The following RSRC1 variants were observed in gnomAD, a reference collection of about 807,000 sequenced individuals.
The protein encoded by RSRC1 is serine/Arginine-related protein 53.
RSRC1 carries 39 observed loss-of-function variants against 49.1 expected under a neutral mutation model. The observed-to-expected ratio is 0.79, with a 90% CI of 0.61 to 1.04. The LOEUF (loss-of-function observed/expected upper bound fraction) is 1.04, where lower values mean the gene tolerates loss of function less well. Ranked by LOEUF, RSRC1 falls within the 50% of genes least tolerant of loss-of-function variation. The pLI is 0.00. For synonymous variants in RSRC1, 143 were observed against 130.8 expected, an observed-to-expected ratio of 1.09 and a Z score of -0.63; for missense variants, 388 against 402.4, an observed-to-expected ratio of 0.96 and a Z score of 0.31.
intron 3 of RSRC1, among the ~76,000 whole-genome samples, chr3:158,126,135 G>C (rs536782947): frequency 6.6e-6 from 1 of 151,944 alleles, no homozygotes. Context: ...ATTGTATTTT[G>C]TGTGTATGAG....
At chr3:158,375,625 A>G (rs1732318528) in intron 6 of RSRC1, among the ~76,000 whole-genome samples, 1 of 152,210 alleles carries the variant, frequency 6.6e-6, no homozygotes, top group Admixed American at 6.5e-5. Flanking sequence ...AATTATAAAT[A>G]AATTGTATGT....
At chr3:158,451,325 T>A (rs887510190) in intron 6 of RSRC1, among the ~76,000 whole-genome samples, 2 of 152,052 alleles carry the variant, frequency 1.3e-5, no homozygotes, top group Non-Finnish European at 2.9e-5. Flanking sequence ...CAGCATTTAC[T>A]GCTTTGTACT....
intron 7 of RSRC1, among the ~76,000 whole-genome samples, chr3:158,506,909 A>G (rs1192449775): frequency 6.6e-6 from 1 of 151,342 alleles, no homozygotes; most frequent in African/African-American, 2.4e-5. Flanking sequence ...CAAATAAAGG[A>G]AACAGTTTAT....
chr3:158,158,659 G>T (rs980380126), intron 3 of RSRC1, among the ~76,000 whole-genome samples: 1 of 152,132 alleles, frequency 6.6e-6, no homozygotes, highest in South Asian at 2.1e-4. Flanking sequence ...AGGAGTGTTG[G>T]CTGGGCATAG....
chr3:158,213,748 A>G (rs1441587366), intron 4 of RSRC1, among the ~76,000 whole-genome samples: 1 of 151,940 alleles, frequency 6.6e-6, no homozygotes, highest in Non-Finnish European at 1.5e-5. Flanking sequence ...TGAGAAAGAT[A>G]AAGGAGGGCA....
At position 158,529,535 on chromosome 3, in the gene RSRC1, T is replaced by C. The variant is rs1576610290; in HGVS notation, c.653-7557T>C. Among the ~76,000 whole-genome samples, 4 of 151,992 alleles carry C rather than the reference T, an allele frequency of 2.6e-5. No homozygotes were observed. The East Asian group carries it at 7.8e-4, about 30-fold the overall frequency. ...GTATTATTCCTCATGGTCATGATAT[T>C]TAAATGAGGTAATCCATGTGAAGTG... On this transcript the variant is annotated intron_variant, in intron 7 of 9. Coordinates refer to ENST00000611884, the MANE Select transcript of RSRC1 (RefSeq NM_001271838.2).
intron 5 of RSRC1, among the ~76,000 whole-genome samples, chr3:158,301,847 A>G (rs767270799): frequency 3.9e-4 from 59 of 152,226 alleles, no homozygotes; most frequent in Non-Finnish European, 6.9e-4. Flanking sequence ...CCAGAGGTCA[A>G]AATTATACAC....
intron 3 of RSRC1, among the ~76,000 whole-genome samples, chr3:158,155,382 C>G (rs6793338): frequency 0.036 from 5,519 of 152,182 alleles, 326 homozygotes; most frequent in African/African-American, 0.13. Flanking sequence ...TCTCCTTGTA[C>G]ATCTCCATCA....
chr3:158,328,155 C>T (rs1400336425), intron 5 of RSRC1, among the ~76,000 whole-genome samples: 1 of 152,134 alleles, frequency 6.6e-6, no homozygotes, highest in Non-Finnish European at 1.5e-5. Flanking sequence ...TTCCTGAATA[C>T]AGCACACTGA....
At position 158,326,990 on chromosome 3, in the gene RSRC1, G is replaced by A. The variant is rs143050789; in HGVS notation, c.532-27867G>A. Among the ~76,000 whole-genome samples, 225 of 152,104 alleles carry A rather than the reference G, an allele frequency of 1.5e-3. 1 individual carries two copies. Among genetic ancestry groups the A allele is most frequent in the African/African-American group, 5.3e-3 (218 of 41,514 alleles). Reference sequence around the variant, plus strand: ...TATGTGTCCAGAAATTTATCCATTTGTTCTAGATTTTCTAGTTTATTTGCA... The same window carrying A: ...TATGTGTCCAGAAATTTATCCATTTATTCTAGATTTTCTAGTTTATTTGCA... On this transcript the variant is annotated intron_variant, in intron 5 of 9. Transcript: ENST00000611884.
chr3:158,542,830 A>G (rs1713115776), intron 8 of RSRC1, among the ~76,000 whole-genome samples: 1 of 152,216 alleles, frequency 6.6e-6, no homozygotes, highest in Non-Finnish European at 1.5e-5. Context: ...TATGAATTCT[A>G]TAACTCAATA....
intron 6 of RSRC1, among the ~76,000 whole-genome samples, chr3:158,409,307 A>G (rs1479327698): frequency 6.6e-6 from 1 of 152,172 alleles, no homozygotes; most frequent in Admixed American, 6.5e-5. Context: ...CTGCATTTGA[A>G]TTCACAAAAT....
At chr3:158,166,479 C>T (rs780837046) in intron 3 of RSRC1, among the ~76,000 whole-genome samples, 2 of 152,092 alleles carry the variant, frequency 1.3e-5, no homozygotes, top group African/African-American at 4.8e-5. Flanking sequence ...AATAAAATAA[C>T]GGTCAATTAT....
At chr3:158,399,868 A>G (rs987919225) in intron 6 of RSRC1, among the ~76,000 whole-genome samples, 5 of 152,112 alleles carry the variant, frequency 3.3e-5, no homozygotes, top group Admixed American at 6.6e-5. Context: ...TTTCTTTTCT[A>G]TGTTACTTAT....
At chr3:158,184,935 T>G (rs1313296710) in intron 3 of RSRC1, among the ~76,000 whole-genome samples, 1 of 152,006 alleles carries the variant, frequency 6.6e-6, no homozygotes, top group Non-Finnish European at 1.5e-5. Flanking sequence ...TCTATATTTT[T>G]GTTTTATTTT....
chr3:158,414,120 A>G (rs1017341931), intron 6 of RSRC1, among the ~76,000 whole-genome samples: 13 of 152,210 alleles, frequency 8.5e-5, no homozygotes, highest in Admixed American at 7.2e-4. Context: ...TGGCAGCACT[A>G]TTCACTGTAG....
At chr3:158,277,002 A>G (rs2108067585) in intron 4 of RSRC1, among the ~76,000 whole-genome samples, 2 of 152,294 alleles carry the variant, frequency 1.3e-5, no homozygotes, top group South Asian at 4.2e-4. Flanking sequence ...CTTTTTCAGC[A>G]AAGGGCTAAA....
intron 4 of RSRC1, among the ~76,000 whole-genome samples, chr3:158,246,576 G>A (rs1723914759): frequency 6.6e-6 from 1 of 152,120 alleles, no homozygotes; most frequent in Non-Finnish European, 1.5e-5. Flanking sequence ...GGCAGGTCTG[G>A]TGGTAATGAA....
chr3:158,299,854 G>A (rs1321142539), intron 5 of RSRC1, among the ~76,000 whole-genome samples: 2 of 152,032 alleles, frequency 1.3e-5, no homozygotes, highest in Non-Finnish European at 2.9e-5. Flanking sequence ...TGTGCCTTCG[G>A]CTGCCCAGAA....
Sources: gnomAD v4.1 joint callset for allele counts (sites outside exome capture counted in the v4.1 genomes callset) on GRCh38, gnomAD v4.1.1 for gene constraint, MANE v1.5 for transcripts, NCBI Gene and HGNC (gene_info 2026-07-23, HGNC 2026-07-21) for gene names.